Variants in FOXO3 observed in about 807,000 individuals in gnomAD.
The protein encoded by FOXO3 is forkhead box protein O3.
Under a neutral mutation model 41.9 loss-of-function variants are expected in FOXO3, and 4 were observed. The observed-to-expected ratio is 0.10, with a 90% confidence interval of 0.05 to 0.22. The LOEUF is 0.22. FOXO3 is among the 10% of genes least tolerant of loss of function. The pLI is 1.00. For missense variants in FOXO3, 534 were observed against 906.8 expected, an observed-to-expected ratio of 0.59 and a Z score of 5.28; for synonymous variants, 318 against 389.3, an observed-to-expected ratio of 0.82 and a Z score of 2.16.
At chr6:108,613,285 G>A (rs970369622) in intron 1 of FOXO3, among the ~76,000 whole-genome samples, 2 of 152,212 alleles carry the variant, frequency 1.3e-5, no homozygotes, top group African/African-American at 4.8e-5. Flanking sequence ...TCCCTGTTCT[G>A]CTCTGGTAGC....
chr6:108,579,736 A>T lies in FOXO3; in HGVS notation c.621+17907A>T, dbSNP rs146637777. Among the ~76,000 whole-genome samples, 303 of 152,238 alleles carry T rather than the reference A, an allele frequency of 2.0e-3. 2 individuals carry two copies. The highest frequency in any genetic ancestry group is 6.9e-3 in the African/African-American group (288 of 41,518). On this transcript the variant is annotated intron_variant, in intron 1 of 2. Transcript: ENST00000406360. The stretch of plus-strand genomic sequence containing the variant: ...ATCAGGATCACTTTCACAGAGGAGT[A>T]AAACATCTGGTAGCAGTCCAGGAAT...
At position 108,654,833 on chromosome 6, in the gene FOXO3, A is replaced by G. The variant is rs145055304; in HGVS notation, c.622-8622A>G. On this transcript the variant is annotated intron_variant, in intron 1 of 2. Coordinates refer to ENST00000406360, the MANE Select transcript of FOXO3 (RefSeq NM_001455.4). ...ATTTACATATCAGGTTGTTTGTGCA[A>G]TCTTTTACATGAAAGTTTATGTTTT... is the stretch of plus-strand genomic sequence containing the variant. 3.9e-4 allele frequency among the ~76,000 whole-genome samples: 60 copies of G among 152,026 alleles called. No homozygotes were observed. In the East Asian group the frequency reaches 0.011, roughly 29 times the overall value.
intron 1 of FOXO3, among the ~76,000 whole-genome samples, chr6:108,630,407 G>A (rs948033648): frequency 6.6e-6 from 1 of 152,146 alleles, no homozygotes; most frequent in African/African-American, 2.4e-5. Flanking sequence ...AGACTGGTGA[G>A]TGAGGAGGCA....
At chr6:108,582,083 C>T (rs1220810310) in intron 1 of FOXO3, among the ~76,000 whole-genome samples, 1 of 152,172 alleles carries the variant, frequency 6.6e-6, no homozygotes, top group Non-Finnish European at 1.5e-5. Context: ...ATTATATAAA[C>T]AGTTTTAACT....
chr6:108,667,632 A>C (rs1779101307), intron 2 of FOXO3, among the ~76,000 whole-genome samples: 1 of 152,196 alleles, frequency 6.6e-6, no homozygotes, highest in Non-Finnish European at 1.5e-5. Context: ...TAGATTTTTA[A>C]AGTTTATCTG....
intron 1 of FOXO3, among the ~76,000 whole-genome samples, chr6:108,620,021 G>T (rs1021669652): frequency 6.6e-6 from 1 of 152,168 alleles, no homozygotes; most frequent in South Asian, 2.1e-4. Flanking sequence ...AGCTTGATTT[G>T]CTGTAGTCAT....
chr6:108,659,731 G>A (rs1778790291), intron 1 of FOXO3, among the ~76,000 whole-genome samples: 1 of 152,112 alleles, frequency 6.6e-6, no homozygotes, highest in Admixed American at 6.5e-5. Flanking sequence ...CCTGGATGTG[G>A]GTGTTCCAGC....
intron 1 of FOXO3, among the ~76,000 whole-genome samples, chr6:108,565,695 G>A (rs1775931620): frequency 1.3e-5 from 2 of 152,198 alleles, no homozygotes; most frequent in African/African-American, 4.8e-5. Flanking sequence ...CTTCTTTCAT[G>A]TAAGAATGTG....
At chr6:108,662,857 A>G (rs948390701) in intron 1 of FOXO3, among the ~76,000 whole-genome samples, 1 of 152,186 alleles carries the variant, frequency 6.6e-6, no homozygotes, top group Non-Finnish European at 1.5e-5. Flanking sequence ...GCCTTTCAAT[A>G]TGGGCAATAT....
intron 1 of FOXO3, among the ~76,000 whole-genome samples, chr6:108,602,926 C>T (rs1777092841): frequency 6.6e-6 from 1 of 151,982 alleles, no homozygotes. Context: ...TGTGACTAGG[C>T]AGTAACTTTG....
chr6:108,676,197 G>A (rs183870435), intron 2 of FOXO3, among the ~76,000 whole-genome samples: 27 of 152,246 alleles, frequency 1.8e-4, no homozygotes, highest in Admixed American at 3.3e-4. Context: ...GAGAGAGGGC[G>A]TCTTCCCTTA....
In FOXO3 at chr6:108,680,981, A is replaced by AT. The variant is rs1770827158; in HGVS notation, c.*1195dup. 6.6e-6 allele frequency: 1 copy of AT among 152,640 alleles called. No homozygotes were observed. Among genetic ancestry groups the AT allele is most frequent in the African/African-American group, 2.4e-5 (1 of 41,460 alleles). The allele number at this position is 152,640 out of a possible 1,614,324, so 9.5% of individuals were successfully genotyped here. On this transcript the variant is annotated 3_prime_UTR_variant, in exon 3 of 3. Coordinates refer to ENST00000406360, the MANE Select transcript of FOXO3 (RefSeq NM_001455.4). The stretch of plus-strand genomic sequence containing the variant: ...GTGAGAGGCAATAGCATACAAACTG[A>AT]TTTTTTAAATATAAGCTTAGGTTGT...
chr6:108,624,642 TTGG>T (rs1396465561), intron 1 of FOXO3, among the ~76,000 whole-genome samples: 4 of 152,156 alleles, frequency 2.6e-5, no homozygotes, highest in Non-Finnish European at 5.9e-5. Context: ...GTATTGTACT[TTGG>T]TGAAGCTTTA....
chr6:108,585,551 C>G (rs1174516453), intron 1 of FOXO3, among the ~76,000 whole-genome samples: 1 of 152,152 alleles, frequency 6.6e-6, no homozygotes, highest in Non-Finnish European at 1.5e-5. Flanking sequence ...GGCCATGGCT[C>G]CTTAACTATC....
chr6:108,566,573 T>C (rs1337336758), intron 1 of FOXO3, among the ~76,000 whole-genome samples: 1 of 149,746 alleles, frequency 6.7e-6, no homozygotes, highest in Non-Finnish European at 1.5e-5. Flanking sequence ...CCCCATCTTA[T>C]TTTTTTTTTA....
intron 1 of FOXO3, among the ~76,000 whole-genome samples, chr6:108,600,399 T>A (rs940889459): frequency 1.3e-5 from 2 of 151,730 alleles, no homozygotes; most frequent in South Asian, 2.1e-4. Flanking sequence ...TACAAAAAAT[T>A]AGCCGGGTGT....
intron 1 of FOXO3, among the ~76,000 whole-genome samples, chr6:108,573,193 A>C (rs1776156724): frequency 6.6e-6 from 1 of 152,110 alleles, no homozygotes; most frequent in Non-Finnish European, 1.5e-5. Flanking sequence ...AGGCTGAGGC[A>C]GTAGAATGGC....
rs575923865 is a variant in FOXO3, at chr6:108,638,235, T to A, written c.622-25220T>A. On this transcript the variant is annotated intron_variant, in intron 1 of 2. Transcript: ENST00000406360. ...TGCAGTCCTAAGAAACCCCACAGACTCTTGGTAGGGGGGCCTGAGGGCCCT... is the reference window on the plus strand; with the variant it reads ...TGCAGTCCTAAGAAACCCCACAGACACTTGGTAGGGGGGCCTGAGGGCCCT... 5.3e-5 allele frequency among the ~76,000 whole-genome samples: 8 copies of A among 152,328 alleles called. No individual in the cohort carries two copies. In the South Asian group the frequency reaches 1.7e-3, roughly 32 times the overall value.
chr6:108,588,857 AC>A (rs1037005410), intron 1 of FOXO3, among the ~76,000 whole-genome samples: 3 of 152,210 alleles, frequency 2.0e-5, no homozygotes, highest in Admixed American at 6.5e-5. Flanking sequence ...TAGACAAAAA[AC>A]CCACAAAACT....
Sources: allele counts gnomAD v4.1 joint callset (sites outside exome capture counted in the v4.1 genomes callset), GRCh38; gene constraint gnomAD v4.1.1; transcripts MANE v1.5; gene names NCBI Gene and HGNC (gene_info 2026-07-23, HGNC 2026-07-21).